The following HDAC9 variants were observed in gnomAD, a reference collection of about 807,000 sequenced individuals.
HDAC9 encodes the protein MEF-2 interacting transcription repressor (MITR) protein.
In HDAC9, 41 loss-of-function variants were observed where a neutral mutation model predicts 139.4. The ratio of observed to expected loss-of-function variants is 0.29; its 90% CI spans 0.23 to 0.38. HDAC9 has a LOEUF of 0.38. Ranked by LOEUF, HDAC9 falls within the 10% of genes least tolerant of loss-of-function variation. The pLI, the probability that HDAC9 is intolerant of heterozygous loss-of-function variation, is 1.00. For synonymous variants in HDAC9, 517 were observed against 476.2 expected (o/e 1.09, Z -1.12); for missense variants, 1,147 against 1,297.0 (o/e 0.88, Z 1.78).
chr7:18,469,391 A>G (rs1278998992), intron 1 of HDAC9, among the ~76,000 whole-genome samples: 1 of 152,150 alleles, frequency 6.6e-6, no homozygotes, highest in African/African-American at 2.4e-5. Context: ...TAAATGTCAT[A>G]TTTGTAAATG....
At chr7:18,507,170 A>AT (rs1800018398) in intron 2 of HDAC9, among the ~76,000 whole-genome samples, 1 of 144,326 alleles carries the variant, frequency 6.9e-6, no homozygotes, top group Admixed American at 7.0e-5. Context: ...TATTCATTAC[A>AT]TATTATTATT....
At chr7:18,838,140 A>G (rs1176501863) in intron 21 of HDAC9, among the ~76,000 whole-genome samples, 2 of 152,100 alleles carry the variant, frequency 1.3e-5, no homozygotes, top group African/African-American at 2.4e-5. Context: ...TGTTACGGCT[A>G]GGTCAAACAG....
At chr7:18,735,619 G>C (rs1786813011) in intron 13 of HDAC9, among the ~76,000 whole-genome samples, 1 of 152,166 alleles carries the variant, frequency 6.6e-6, no homozygotes, top group African/African-American at 2.4e-5. Context: ...CCAGTACCAT[G>C]CTGTTTTTGT....
intron 2 of HDAC9, among the ~76,000 whole-genome samples, chr7:18,229,126 C>T (rs1007193): frequency 0.029 from 4,361 of 152,280 alleles, 127 homozygotes; most frequent in East Asian, 0.16. Flanking sequence ...ACAATAAATT[C>T]ACTTCTAACC....
intron 14 of HDAC9, among the ~76,000 whole-genome samples, chr7:18,753,198 C>T (rs569440288): frequency 3.2e-4 from 48 of 152,124 alleles, no homozygotes; most frequent in African/African-American, 1.0e-3. Flanking sequence ...AATAAATACA[C>T]AATTACAAAT....
intron 6 of HDAC9, 48 bp from the exon 7 acceptor site, chr7:18,629,302 T>A (rs1388721149): frequency 1.8e-5 from 27 of 1,487,654 alleles, no homozygotes; most frequent in Non-Finnish European, 2.3e-5. Context: ...ATTGGCTCTC[T>A]ATTTTTTTAA....
At chr7:18,990,804 T>TTTTCCC (rs1563113075) in intron 25 of HDAC9, among the ~76,000 whole-genome samples, 1 of 152,254 alleles carries the variant, frequency 6.6e-6, no homozygotes, top group Non-Finnish European at 1.5e-5. Flanking sequence ...GGGAGTGACC[T>TTTTCCC]GATTTTCCAG....
chr7:18,467,792 T>C (rs1281698862), intron 1 of HDAC9, among the ~76,000 whole-genome samples: 2 of 152,140 alleles, frequency 1.3e-5, no homozygotes, highest in Non-Finnish European at 2.9e-5. Context: ...ATTTTAATAG[T>C]TTTCCCCTTG....
At chr7:18,225,762 T>C (rs984239969) in intron 2 of HDAC9, among the ~76,000 whole-genome samples, 1 of 152,158 alleles carries the variant, frequency 6.6e-6, no homozygotes, top group Non-Finnish European at 1.5e-5. Context: ...ATGATAAAGT[T>C]ACAGTTTCAT....
chr7:18,582,568 G>A (rs968516616), intron 2 of HDAC9, among the ~76,000 whole-genome samples: 1 of 151,892 alleles, frequency 6.6e-6, no homozygotes, highest in East Asian at 1.9e-4. Flanking sequence ...TTCACTTAAT[G>A]TGACAACTTT....
At chr7:18,851,532 G>A (rs1483701901) in intron 21 of HDAC9, 1 of 152,158 alleles carries the variant, frequency 6.6e-6, no homozygotes, top group East Asian at 1.9e-4. Flanking sequence ...ACCCAGTCTC[G>A]GGTAGTTCTG....
intron 22 of HDAC9, among the ~76,000 whole-genome samples, chr7:18,897,452 C>T (rs117464050): frequency 0.025 from 3,839 of 151,968 alleles, 76 homozygotes; most frequent in Non-Finnish European, 0.039. Context: ...AATAATGTGA[C>T]TCCTAAAATG....
chr7:18,591,699 T>G, intron 5 of HDAC9, 57 bp downstream of exon 5: 1 of 1,589,528 alleles, frequency 6.3e-7, no homozygotes, highest in South Asian at 1.2e-5. Context: ...GGTTCTGTAT[T>G]TAGCCGACCT....
At chr7:18,247,197 C>A (rs920407937) in intron 2 of HDAC9, among the ~76,000 whole-genome samples, 1 of 151,836 alleles carries the variant, frequency 6.6e-6, no homozygotes, top group Non-Finnish European at 1.5e-5. Flanking sequence ...GGAGAAAAAA[C>A]AACTTGGGAG....
intron 1 of HDAC9, among the ~76,000 whole-genome samples, chr7:18,411,541 AT>A (rs555565931): frequency 6.6e-6 from 1 of 151,730 alleles, no homozygotes; most frequent in Non-Finnish European, 1.5e-5. Flanking sequence ...CACCTGGCTA[AT>A]TTTTTTGTAT....
intron 1 of HDAC9, among the ~76,000 whole-genome samples, chr7:18,303,280 C>T (rs1435028004): frequency 6.6e-6 from 1 of 151,802 alleles, no homozygotes; most frequent in Non-Finnish European, 1.5e-5. Context: ...TTTAGTGGCG[C>T]GATCTCGGCT....
chr7:18,742,913 A>C (rs532508536), intron 13 of HDAC9, among the ~76,000 whole-genome samples: 2 of 152,204 alleles, frequency 1.3e-5, no homozygotes, highest in East Asian at 3.9e-4. Context: ...CTCTGCCTTT[A>C]GCTTTGGTCT....
chr7:18,735,933 T>C (rs1047509368), intron 13 of HDAC9, among the ~76,000 whole-genome samples: 4 of 152,226 alleles, frequency 2.6e-5, no homozygotes, highest in African/African-American at 9.6e-5. Context: ...GTAGCTCTCC[T>C]TGAAGAGGTG....
chr7:18,294,487 A>G (rs1410183511), intron 1 of HDAC9, among the ~76,000 whole-genome samples: 1 of 152,170 alleles, frequency 6.6e-6, no homozygotes, highest in African/African-American at 2.4e-5. Context: ...CCTGAATGGC[A>G]TAGATGCTTC....
Sources: gnomAD v4.1 joint callset for allele counts (sites outside exome capture counted in the v4.1 genomes callset) on GRCh38, gnomAD v4.1.1 for gene constraint, MANE v1.5 for transcripts, NCBI Gene and HGNC (gene_info 2026-07-23, HGNC 2026-07-21) for gene names.